Variants in STAC observed in about 807,000 individuals in gnomAD.
The protein encoded by STAC is SH3 and cysteine rich domain.
In STAC, 43 loss-of-function variants were observed where a neutral mutation model predicts 48.8. The observed-to-expected ratio is 0.88, with a 90% CI of 0.69 to 1.14. The LOEUF is 1.14. Among genes scored for constraint, STAC ranks in the 50% most tolerant of loss-of-function variants. STAC has a pLI of 0.00. For synonymous variants in STAC, 193 were observed against 179.5 expected, an observed-to-expected ratio of 1.07 and a Z score of -0.60; for missense variants, 497 against 504.0, an observed-to-expected ratio of 0.99 and a Z score of 0.13.
intron 1 of STAC, among the ~76,000 whole-genome samples, chr3:36,411,646 A>C (rs1179087113): frequency 1.3e-5 from 2 of 152,224 alleles, no homozygotes; most frequent in African/African-American, 2.4e-5. Context: ...CTGTTCTTCC[A>C]TGATGAGGTC....
At chr3:36,521,947 G>A (rs1698818211) in intron 8 of STAC, among the ~76,000 whole-genome samples, 1 of 152,022 alleles carries the variant, frequency 6.6e-6, no homozygotes. Context: ...AAGTTAGCTG[G>A]GAGTGGTGTC....
chr3:36,419,266 CTTAT>C (rs1274886559), intron 1 of STAC, among the ~76,000 whole-genome samples: 1 of 152,112 alleles, frequency 6.6e-6, no homozygotes, highest in Non-Finnish European at 1.5e-5. Context: ...TCCTAATTCT[CTTAT>C]TTGTTCTTTA....
intron 6 of STAC, among the ~76,000 whole-genome samples, chr3:36,499,762 G>GT (rs149126582): frequency 0.017 from 2,613 of 150,722 alleles, 68 homozygotes; most frequent in African/African-American, 0.06. Flanking sequence ...AAAAACAAAA[G>GT]TTTTTTTTTA....
At chr3:36,499,611 GAATCCC>G (rs1469936793) in intron 6 of STAC, among the ~76,000 whole-genome samples, 3 of 151,812 alleles carry the variant, frequency 2.0e-5, no homozygotes, top group Non-Finnish European at 4.4e-5. Context: ...TGTTAGGAAG[GAATCCC>G]AATTTATCAG....
chr3:36,434,120 T>C (rs1207916871), intron 1 of STAC, among the ~76,000 whole-genome samples: 1 of 152,180 alleles, frequency 6.6e-6, no homozygotes, highest in Non-Finnish European at 1.5e-5. Flanking sequence ...TAGAGGTGAA[T>C]GTGGAAAGTG....
At chr3:36,387,735 A>T (rs62245723) in intron 1 of STAC, among the ~76,000 whole-genome samples, 15,574 of 152,114 alleles carry the variant, frequency 0.1, 1,040 homozygotes, top group Non-Finnish European at 0.15. Context: ...CCATTAATGC[A>T]TCAGTGAATA....
At chr3:36,400,388 G>A (rs944298698) in intron 1 of STAC, among the ~76,000 whole-genome samples, 2 of 152,166 alleles carry the variant, frequency 1.3e-5, no homozygotes, top group African/African-American at 4.8e-5. Context: ...TAATGTAAAG[G>A]AACATTTGAA....
chr3:36,505,925 A>C, intron 8 of STAC, 91 bp downstream of exon 8: 2 of 788,284 alleles, frequency 2.5e-6, no homozygotes, highest in Non-Finnish European at 4.1e-6. Context: ...GCCCCTCCTA[A>C]TGCTTTATAG....
chr3:36,444,990 T>C (rs1309152661), intron 2 of STAC, among the ~76,000 whole-genome samples: 2 of 152,224 alleles, frequency 1.3e-5, no homozygotes, highest in African/African-American at 4.8e-5. Flanking sequence ...CTTCTGAATC[T>C]GTGTCACTTT....
In STAC at chr3:36,443,334, AAGAG is replaced by A; in HGVS notation, c.112-26_112-23del. 1.2e-6 allele frequency: 2 copies of A among 1,613,116 alleles called. No homozygotes were observed. Among genetic ancestry groups the A allele is most frequent in the Non-Finnish European group, 1.7e-6 (2 of 1,179,670 alleles). On this transcript the variant is annotated intron_variant, in intron 1 of 10. Transcript: ENST00000273183. This position sits in a 1 kb window ranked among gnomAD's most constrained non-coding sequence, Gnocchi z 4.2. ...TAGGTCTGCTTGATCCATTGATCGT[AAGAG>A]AGACTGTTCTGTCATTGCATTGCAG...
intron 1 of STAC, among the ~76,000 whole-genome samples, chr3:36,433,807 G>T (rs1275692084): frequency 6.6e-6 from 1 of 152,186 alleles, no homozygotes; most frequent in African/African-American, 2.4e-5. Context: ...CATTTCAGCA[G>T]TGGCAGAGCA....
At chr3:36,540,200 C>T (rs771922261) in intron 10 of STAC, among the ~76,000 whole-genome samples, 43 of 152,140 alleles carry the variant, frequency 2.8e-4, no homozygotes, top group Non-Finnish European at 5.3e-4. Context: ...GACAAGGAAA[C>T]AGACTCTCTC....
chr3:36,477,060 T>C (rs1197206146), intron 2 of STAC, among the ~76,000 whole-genome samples: 1 of 152,246 alleles, frequency 6.6e-6, no homozygotes, highest in African/African-American at 2.4e-5. Flanking sequence ...AAGTAATATT[T>C]ATGGACATTT....
intron 2 of STAC, among the ~76,000 whole-genome samples, chr3:36,470,804 A>G (rs937818330): frequency 6.6e-6 from 1 of 152,240 alleles, no homozygotes; most frequent in Non-Finnish European, 1.5e-5. Context: ...GCTATCAAAA[A>G]TGACTGCCAA....
intron 1 of STAC, among the ~76,000 whole-genome samples, chr3:36,381,014 T>C (rs1308470063): frequency 1.3e-5 from 2 of 149,742 alleles, no homozygotes; most frequent in Non-Finnish European, 3.0e-5. Context: ...TCTTGCGGGG[T>C]GGTAGCTTGG....
chr3:36,460,248 T>TA (rs1329271495), intron 2 of STAC, among the ~76,000 whole-genome samples: 2 of 151,658 alleles, frequency 1.3e-5, no homozygotes, highest in Non-Finnish European at 2.9e-5. Flanking sequence ...CCTCAGCTAT[T>TA]AAAAAAAATA....
chr3:36,546,261 T>C lies in STAC; in HGVS notation c.1181T>C (p.Ile394Thr). The C allele has an allele frequency of 1.2e-6, 2 of 1,614,012 alleles. No homozygotes were observed. The highest frequency in any genetic ancestry group is 1.7e-6 in the Non-Finnish European group (2 of 1,179,912). ...RVLSGKKKGL[I>T]PLDVLENI ...CTCAGTGGAAAAAAGAAAGGCCTCA[T>C]CCCCCTTGATGTACTAGAAAACATC... The change falls in exon 11 of 11, where the codon ATC becomes ACC. Residue 394 changes from isoleucine (I) to threonine (T), a missense_variant. Physicochemically the swap from Ile to Thr is moderately conservative, Grantham distance 89. Coordinates refer to ENST00000273183, the MANE Select transcript of STAC (RefSeq NM_003149.3).
In STAC at chr3:36,546,357, C is replaced by A. The variant is rs1559533716; in HGVS notation, c.*68C>A. ...GATGCCTCTGCCTCATCTCACACTG[C>A]GTCAACCCAAAGGAGCTGCCGCACT... is the stretch of plus-strand genomic sequence containing the variant. On this transcript the variant is annotated 3_prime_UTR_variant, in exon 11 of 11. Coordinates refer to ENST00000273183, the MANE Select transcript of STAC (RefSeq NM_003149.3). The A allele has an allele frequency of 2.8e-6, 4 of 1,404,142 alleles. No individual in the cohort carries two copies. The South Asian group carries it at 4.6e-5, about 16-fold the overall frequency. 87.0% of individuals were successfully genotyped at this position (1,404,142 alleles called of 1,614,324 possible). A position where few individuals can be genotyped will look rare whatever the true frequency, so the allele number is the denominator to read the frequency against.
intron 2 of STAC, among the ~76,000 whole-genome samples, chr3:36,445,806 A>C (rs1406004560): frequency 6.6e-6 from 1 of 152,184 alleles, no homozygotes; most frequent in African/African-American, 2.4e-5. Context: ...TCTACTGGGA[A>C]CCAAAGGCTG....
Sources: allele counts gnomAD v4.1 joint callset (sites outside exome capture counted in the v4.1 genomes callset), GRCh38; gene constraint gnomAD v4.1.1; non-coding constraint Gnocchi (gnomAD v3.1); transcripts MANE v1.5; gene names NCBI Gene and HGNC (gene_info 2026-07-23, HGNC 2026-07-21).